The following LRP2 variants were observed in gnomAD, a reference collection of about 807,000 sequenced individuals.
The protein encoded by LRP2 is LDL receptor related protein 2, also known as low-density lipoprotein receptor-related protein 2.
Under a neutral mutation model 531.0 loss-of-function variants are expected in LRP2, and 172 were observed. That is an observed-to-expected ratio of 0.32 (90% confidence interval 0.29 to 0.37). The LOEUF (loss-of-function observed/expected upper bound fraction) is 0.37. Among genes scored for constraint, LRP2 ranks in the 10% least tolerant of loss-of-function variants. The pLI is 1.00. For missense variants in LRP2, 5,167 were observed against 5,868.3 expected (o/e 0.88, Z 3.90); for synonymous variants, 1,992 against 2,027.6 (o/e 0.98, Z 0.47).
chr2:169,188,784 C>T (rs1462444072), intron 48 of LRP2, among the ~76,000 whole-genome samples: 1 of 152,122 alleles, frequency 6.6e-6, no homozygotes, highest in Non-Finnish European at 1.5e-5. Context: ...AGGGTGAGTG[C>T]TATATATTAT....
Position 169,145,780 on chromosome 2 carries a change from G to T in LRP2, c.12955C>A (p.Arg4319=). 6.2e-7 allele frequency: 1 copy of T among 1,614,058 alleles called. No individual in the cohort carries two copies. The highest frequency in any genetic ancestry group is 8.5e-7 in the Non-Finnish European group (1 of 1,179,992). Residue 4319 remains arginine, a synonymous_variant, in exon 70 of 79, where the codon CGA becomes AGA. Coordinates refer to ENST00000649046, the MANE Select transcript of LRP2 (RefSeq NM_004525.3). ...TTGTATCTGAGTTGATGAAAGATTCGAACTTGAGTGAGCCAAGGGTTCACT... is the reference window on the plus strand; with the variant it reads ...TTGTATCTGAGTTGATGAAAGATTCTAACTTGAGTGAGCCAAGGGTTCACT... The part of the protein sequence containing the change: ...LVVNPWLTQV[R]IFHQLRYNKS...
intron 3 of LRP2, among the ~76,000 whole-genome samples, chr2:169,312,139 G>T (rs2105502020): frequency 6.6e-6 from 1 of 152,096 alleles, no homozygotes; most frequent in Non-Finnish European, 1.5e-5. Context: ...ACACTGATGG[G>T]TCTTGACTCT....
At chr2:169,256,028 T>C in intron 19 of LRP2, 78 bp downstream of exon 19, 1 of 1,477,926 alleles carries the variant, frequency 6.8e-7, no homozygotes. Context: ...ATTGTGAAAA[T>C]GCCACATGAG....
chr2:169,244,012 C>T (rs185155238), intron 22 of LRP2, among the ~76,000 whole-genome samples: 262 of 152,246 alleles, frequency 1.7e-3, no homozygotes, highest in Non-Finnish European at 3.4e-3. Flanking sequence ...GCCTTGGAGT[C>T]GGATGCAGTG....
Position 169,146,955 on chromosome 2 carries a change from T to G in LRP2, c.12595A>C (p.Met4199Leu). ...AIAVNPKLGL[M>L]FWTDWGKEPK... ...TCCTTTCCCCAGTCAGTCCAGAACA[T>G]AAGCCTATAACAGAAGATTTCTTCA... Residue 4199 changes from methionine to leucine, a missense_variant, in exon 69 of 79, where the codon ATG becomes CTG. Physicochemically the swap from Met to Leu is conservative, Grantham distance 15. This residue lies in a region of LRP2 where 564 missense variants were observed against 747.7 expected (regional missense o/e 0.75). Coordinates refer to ENST00000649046, the MANE Select transcript of LRP2 (RefSeq NM_004525.3). 6.2e-7 allele frequency: 1 copy of G among 1,608,630 alleles called. No individual in the cohort carries two copies. Among genetic ancestry groups the G allele is most frequent in the Middle Eastern group, 1.7e-4 (1 of 6,052 alleles).
At chr2:169,179,094 C>T (rs943175910) in intron 52 of LRP2, among the ~76,000 whole-genome samples, 7 of 151,966 alleles carry the variant, frequency 4.6e-5, no homozygotes, top group Non-Finnish European at 8.8e-5. Flanking sequence ...ACTGCAACCT[C>T]CTCCTCCTGG....
rs1216987363 is a variant in LRP2 at position 169,284,256 on chromosome 2, C to CTTTTTTTT, written c.1043-1263_1043-1256dup. On this transcript the variant is annotated intron_variant, in intron 9 of 78. Transcript: ENST00000649046. ...CTTTTCTTTTCTTTTTCTTTTTTTT[C>CTTTTTTTT]TTTTTTTTTTTTTTTTTTTTTTTTT... 6.7e-4 allele frequency among the ~76,000 whole-genome samples: 65 copies of CTTTTTTTT among 96,634 alleles called. 4 individuals are homozygous for CTTTTTTTT. Among genetic ancestry groups the CTTTTTTTT allele is most frequent in the African/African-American group, 1.4e-3 (31 of 22,702 alleles). The allele number at this position is 96,634 out of a possible 152,430, so 63.4% of individuals were successfully genotyped here.
At chr2:169,298,417 G>A (rs1241255436) in intron 4 of LRP2, among the ~76,000 whole-genome samples, 2 of 152,072 alleles carry the variant, frequency 1.3e-5, no homozygotes, top group Non-Finnish European at 2.9e-5. Context: ...TAAAGTTGGA[G>A]AGCCAGAATT....
chr2:169,336,080 T>C (rs1248945743), intron 1 of LRP2, among the ~76,000 whole-genome samples: 1 of 151,834 alleles, frequency 6.6e-6, no homozygotes, highest in East Asian at 1.9e-4. Flanking sequence ...TTCTCTTATA[T>C]AACAGAAGAA....
chr2:169,198,202 C>G (rs1487842674), intron 45 of LRP2, among the ~76,000 whole-genome samples: 1 of 151,752 alleles, frequency 6.6e-6, no homozygotes, highest in East Asian at 1.9e-4. Flanking sequence ...TCGCTTGAGC[C>G]CAAGAGTTCC....
intron 52 of LRP2, among the ~76,000 whole-genome samples, chr2:169,179,630 G>T (rs1309576738): frequency 6.6e-6 from 1 of 151,924 alleles, no homozygotes; most frequent in Non-Finnish European, 1.5e-5. Context: ...TGAGACAGGG[G>T]AATTGCTTGA....
intron 68 of LRP2, among the ~76,000 whole-genome samples, chr2:169,148,397 A>G (rs1179621313): frequency 6.6e-6 from 1 of 152,228 alleles, no homozygotes; most frequent in Non-Finnish European, 1.5e-5. Flanking sequence ...ACAACTCTGC[A>G]TATACCAAAA....
At chr2:169,317,054 G>T (rs1363657669) in intron 3 of LRP2, among the ~76,000 whole-genome samples, 2 of 152,150 alleles carry the variant, frequency 1.3e-5, no homozygotes, top group African/African-American at 2.4e-5. Flanking sequence ...TTTGTTTGTG[G>T]TTAAAAGATA....
At chr2:169,195,528 A>G (rs1219494332) in intron 46 of LRP2, among the ~76,000 whole-genome samples, 1 of 152,164 alleles carries the variant, frequency 6.6e-6, no homozygotes, top group Non-Finnish European at 1.5e-5. Context: ...CTTTACTACA[A>G]TGAGGATATA....
At chr2:169,149,776 C>G (rs1195506998) in intron 68 of LRP2, among the ~76,000 whole-genome samples, 4 of 151,310 alleles carry the variant, frequency 2.6e-5, no homozygotes, top group Non-Finnish European at 5.9e-5. Context: ...ACAGAGGTTG[C>G]AGTGAGCCGA....
chr2:169,193,621 G>T, intron 47 of LRP2, 140 bp downstream of exon 47: 1 of 1,052,016 alleles, frequency 9.5e-7, no homozygotes, highest in Non-Finnish European at 1.5e-6. Context: ...CTCCCAGCAT[G>T]GAGAAACAAA....
chr2:169,162,728 G>C, intron 62 of LRP2, 128 bp from the exon 63 acceptor site: 1 of 988,568 alleles, frequency 1.0e-6, no homozygotes, highest in Non-Finnish European at 1.5e-6. Flanking sequence ...AGTCTCCCTT[G>C]CAGCTGGGTT....
At chr2:169,344,035 C>T (rs1685631063) in intron 1 of LRP2, among the ~76,000 whole-genome samples, 2 of 152,246 alleles carry the variant, frequency 1.3e-5, no homozygotes, top group South Asian at 4.2e-4. Context: ...ATCATCTGTC[C>T]TACAGTGAAA....
In LRP2 at chr2:169,209,473, A is replaced by G; in HGVS notation, c.6449T>C (p.Ile2150Thr). ...CATACCTGCTACCCAATCCACTGCAATACCCCGGACTCCATTTTCTCCTAT... is the reference window on the plus strand; with the variant it reads ...CATACCTGCTACCCAATCCACTGCAGTACCCCGGACTCCATTTTCTCCTAT... ...HGIGENGVRG[I>T]AVDWVAGNLY... Residue 2150 changes from isoleucine (I) to threonine (T), a missense_variant, in exon 38 of 79, where the codon ATT becomes ACT. Ile to Thr is a moderately conservative substitution (Grantham distance 89, BLOSUM62 -1). Coordinates refer to ENST00000649046, the MANE Select transcript of LRP2 (RefSeq NM_004525.3). The G allele has an allele frequency of 6.2e-7, 1 of 1,614,120 alleles. No homozygotes were observed. Among genetic ancestry groups the G allele is most frequent in the Non-Finnish European group, 8.5e-7 (1 of 1,179,976 alleles).
Sources: gnomAD v4.1 joint callset for allele counts (sites outside exome capture counted in the v4.1 genomes callset) on GRCh38, gnomAD v4.1.1 for gene constraint, gnomAD v4.1.1 regional missense constraint, MANE v1.5 for transcripts, NCBI Gene and HGNC (gene_info 2026-07-23, HGNC 2026-07-21) for gene names.